The following LMOD1 variants were observed in gnomAD, a reference collection of about 807,000 sequenced individuals.
LMOD1 encodes leiomodin-1.
Under a neutral mutation model 36.5 loss-of-function variants are expected in LMOD1, and 8 were observed. The ratio of observed to expected loss-of-function variants is 0.22; its 90% CI spans 0.13 to 0.40. The LOEUF is 0.40. Ranked by LOEUF, LMOD1 falls within the 10% of genes least tolerant of loss-of-function variation. The probability of loss-of-function intolerance (pLI) is 1.00; values close to 1 mark genes in which losing one functional copy is unlikely to be tolerated. For missense variants in LMOD1, 630 were observed against 751.1 expected (o/e 0.84, Z 1.88); for synonymous variants, 284 against 288.7 (o/e 0.98, Z 0.17).
chr1:201,926,862 CA>C (rs1326262732), intron 1 of LMOD1, among the ~76,000 whole-genome samples: 2 of 151,906 alleles, frequency 1.3e-5, no homozygotes, highest in Admixed American at 6.6e-5. Flanking sequence ...ACAAAAAATA[CA>C]AAAAAATTAG....
At chr1:201,941,468 G>A (rs776188522) in intron 1 of LMOD1, among the ~76,000 whole-genome samples, 3 of 152,118 alleles carry the variant, frequency 2.0e-5, no homozygotes, top group South Asian at 4.1e-4. Flanking sequence ...ACAGGCCCCC[G>A]TCACCTCTTC....
chr1:201,939,490 T>C (rs1478256050), intron 1 of LMOD1, among the ~76,000 whole-genome samples: 1 of 152,200 alleles, frequency 6.6e-6, no homozygotes, highest in African/African-American at 2.4e-5. Flanking sequence ...CCTGGACCTA[T>C]CTGATTCCAG....
At chr1:201,910,105 ACTC>A in intron 1 of LMOD1, among the ~76,000 whole-genome samples, 1 of 152,202 alleles carries the variant, frequency 6.6e-6, no homozygotes, top group African/African-American at 2.4e-5. Flanking sequence ...GATGTAATTG[ACTC>A]CTCAGCACTG....
chr1:201,899,972 G>A lies in LMOD1; in HGVS notation c.1041C>T (p.Ile347=), dbSNP rs1330894314. ...CCAGAGCCTCAGTAAACCGGACCAA[G>A]ATCTCATTTGTGATGCAGTCTGAGT... ...VNNSDCITNE[I]LVRFTEALEF... is the part of the protein sequence containing the mutation. Residue 347 remains isoleucine (I), a synonymous_variant, in exon 2 of 3, where the codon ATC becomes ATT. Transcript: ENST00000367288. The surrounding 1 kb of genome is among the most constrained non-coding windows in gnomAD (Gnocchi z 6.3). 5 of 1,613,846 alleles carry A rather than the reference G, an allele frequency of 3.1e-6. No homozygotes were observed. The East Asian group carries it at 1.1e-4, about 36-fold the overall frequency.
intron 1 of LMOD1, among the ~76,000 whole-genome samples, chr1:201,902,296 T>C (rs894788090): frequency 2.6e-5 from 4 of 152,104 alleles, no homozygotes; most frequent in South Asian, 4.2e-4. Context: ...CTGGAATTCA[T>C]TGGGTCAGCT....
intron 1 of LMOD1, among the ~76,000 whole-genome samples, chr1:201,911,395 T>G (rs1316223188): frequency 1.3e-5 from 2 of 152,192 alleles, no homozygotes; most frequent in East Asian, 3.8e-4. Context: ...CTGGGGGCAG[T>G]GGCTCACACC....
At chr1:201,929,116 A>G (rs1177111278) in intron 1 of LMOD1, among the ~76,000 whole-genome samples, 1 of 147,868 alleles carries the variant, frequency 6.8e-6, no homozygotes, top group Non-Finnish European at 1.5e-5. Context: ...TTATTTATTT[A>G]TTTAGAGACG....
chr1:201,922,673 G>T (rs1019235990), intron 1 of LMOD1, among the ~76,000 whole-genome samples: 14 of 151,186 alleles, frequency 9.3e-5, no homozygotes, highest in Non-Finnish European at 1.8e-4. Flanking sequence ...ACAACTTTGT[G>T]AATATACTGA....
At chr1:201,927,040 A>G (rs1354657218) in intron 1 of LMOD1, among the ~76,000 whole-genome samples, 1 of 152,266 alleles carries the variant, frequency 6.6e-6, no homozygotes, top group East Asian at 1.9e-4. Flanking sequence ...TTTTTTTCCC[A>G]CGTTTTGCAT....
rs376881904 is a variant in LMOD1 at position 201,900,609 on chromosome 1, G to C, written c.404C>G (p.Ser135Cys). 6.6e-5 allele frequency: 107 copies of C among 1,613,624 alleles called. No homozygotes were observed. Among genetic ancestry groups the C allele is most frequent in the Non-Finnish European group, 8.1e-5 (95 of 1,179,870 alleles). The part of the protein sequence containing the change: ...PKRGGLKKSF[S>C]RDRDEAGGKS... ...GCCACCAGCTTCATCTCTGTCTCTA[G>C]AGAAGCTTTTCTTTAAACCACCCCT... is the stretch of plus-strand genomic sequence containing the variant. Residue 135 changes from serine to cysteine, a missense_variant, in exon 2 of 3, where the codon TCT becomes TGT. Physicochemically the swap from Ser to Cys is moderately radical, Grantham distance 112. Around this residue, in one of 3 missense-constraint regions of LMOD1, gnomAD observed 405 missense variants for 400.6 expected, o/e 1.01. Coordinates refer to ENST00000367288, the MANE Select transcript of LMOD1 (RefSeq NM_012134.3).
chr1:201,901,299 G>A (rs901156876), intron 1 of LMOD1, among the ~76,000 whole-genome samples: 6 of 151,530 alleles, frequency 4.0e-5, no homozygotes, highest in Non-Finnish European at 7.4e-5. Context: ...GAGGTCGGGA[G>A]TTTGAGACCA....
chr1:201,920,642 A>G (rs953731705), intron 1 of LMOD1, among the ~76,000 whole-genome samples: 15 of 152,214 alleles, frequency 9.9e-5, no homozygotes, highest in African/African-American at 2.9e-4. Flanking sequence ...GCCAAGACCT[A>G]CTGGGAAGAC....
At chr1:201,914,517 T>C (rs1429557397) in intron 1 of LMOD1, among the ~76,000 whole-genome samples, 2 of 152,078 alleles carry the variant, frequency 1.3e-5, no homozygotes, top group Non-Finnish European at 2.9e-5. Context: ...TAACTGTCAT[T>C]ATGGGTCTAG....
chr1:201,933,656 G>A (rs1681969369), intron 1 of LMOD1, among the ~76,000 whole-genome samples: 1 of 140,962 alleles, frequency 7.1e-6, no homozygotes, highest in Non-Finnish European at 1.5e-5. Context: ...TAGAAATCAG[G>A]ATAGGGGCTA....
chr1:201,919,221 T>C (rs1681658887), intron 1 of LMOD1, among the ~76,000 whole-genome samples: 2 of 150,544 alleles, frequency 1.3e-5, no homozygotes, highest in Admixed American at 6.6e-5. Flanking sequence ...AGAAACTTTT[T>C]TTTTTTTGGG....
chr1:201,914,702 C>A (rs1182067579), intron 1 of LMOD1, among the ~76,000 whole-genome samples: 2 of 152,046 alleles, frequency 1.3e-5, no homozygotes, highest in African/African-American at 4.8e-5. Flanking sequence ...TACAAACTCA[C>A]CTCCAGGCTC....
chr1:201,901,660 GTATATATATATATACACATATATATA>G (rs1681325971), intron 1 of LMOD1, among the ~76,000 whole-genome samples: 2 of 85,614 alleles, frequency 2.3e-5, no homozygotes, highest in South Asian at 3.5e-4. Flanking sequence ...ATATATATGT[GTATATATATATATACACATATATATA>G]TGTGTATATA....
chr1:201,938,458 C>G (rs1682057590), intron 1 of LMOD1, among the ~76,000 whole-genome samples: 1 of 152,174 alleles, frequency 6.6e-6, no homozygotes, highest in African/African-American at 2.4e-5. Context: ...TGAGGAAACT[C>G]AGGCTCCAAG....
chr1:201,918,949 G>T (rs1681652873), intron 1 of LMOD1, among the ~76,000 whole-genome samples: 1 of 152,174 alleles, frequency 6.6e-6, no homozygotes, highest in South Asian at 2.1e-4. Context: ...CTGGAGTGTA[G>T]TGGTATGATC....
Sources: gnomAD v4.1 joint callset for allele counts (sites outside exome capture counted in the v4.1 genomes callset) on GRCh38, gnomAD v4.1.1 for gene constraint, gnomAD v4.1.1 regional missense constraint, Gnocchi (gnomAD v3.1) non-coding constraint, MANE v1.5 for transcripts, NCBI Gene and HGNC (gene_info 2026-07-23, HGNC 2026-07-21) for gene names.